Variants in ZC4H2 observed in about 807,000 individuals in gnomAD.
The protein encoded by ZC4H2 is zinc finger C4H2-type containing.
For missense variants in ZC4H2, 137 were observed against 173.9 expected (o/e 0.79, Z 1.19); for synonymous variants, 84 against 66.3 (o/e 1.27, Z -1.30).
At chrX:64,998,275 C>T (rs978740365) in intron 1 of ZC4H2, among the ~76,000 whole-genome samples, 1 of 111,713 alleles carries the variant, frequency 9.0e-6, no homozygotes, top group African/African-American at 3.3e-5. Context: ...CAAGAGAATT[C>T]CTTTAGATCT....
At chrX:64,954,234 G>A (rs1272829924) in intron 1 of ZC4H2, among the ~76,000 whole-genome samples, 1 of 98,162 alleles carries the variant, frequency 1.0e-5, no homozygotes, top group East Asian at 3.1e-4. Flanking sequence ...CGAGTTAATG[G>A]GTGCAGCACA....
At chrX:65,005,617 C>A (rs949455760) in intron 1 of ZC4H2, among the ~76,000 whole-genome samples, 1 of 111,500 alleles carries the variant, frequency 9.0e-6, no homozygotes, top group Non-Finnish European at 1.9e-5. Flanking sequence ...TAGAAGAAAA[C>A]CTAGGCAATG....
intron 1 of ZC4H2, among the ~76,000 whole-genome samples, chrX:64,975,558 C>G (rs1034574422): frequency 9.0e-6 from 1 of 111,662 alleles, no homozygotes; most frequent in Non-Finnish European, 1.9e-5. Context: ...CCAGCCCACA[C>G]AGCCCGCCTG....
chrX:64,969,563 G>T lies in ZC4H2; in HGVS notation c.53+6762C>A, dbSNP rs140732599. 1.4e-4 allele frequency among the ~76,000 whole-genome samples: 16 copies of T among 112,088 alleles called. No individual in the cohort carries two copies. The East Asian group carries it at 4.5e-3, about 31-fold the overall frequency. ...TATATTGTATAGGTATAACTGGCCAGGTCTTACTAATGCAGTTGTTCTCCA... is the reference window on the plus strand; with the variant it reads ...TATATTGTATAGGTATAACTGGCCATGTCTTACTAATGCAGTTGTTCTCCA... On this transcript the variant is annotated intron_variant, in intron 1 of 4. Coordinates refer to ENST00000374839, the MANE Select transcript of ZC4H2 (RefSeq NM_018684.4).
At chrX:64,959,059 C>A (rs1019267754) in intron 1 of ZC4H2, among the ~76,000 whole-genome samples, 4 of 110,962 alleles carry the variant, frequency 3.6e-5, no homozygotes, top group African/African-American at 1.3e-4. Flanking sequence ...ACTTTCTGGC[C>A]AATTTTATGG....
chrX:64,995,580 G>A (rs1182161531), intron 1 of ZC4H2, among the ~76,000 whole-genome samples: 1 of 112,126 alleles, frequency 8.9e-6, no homozygotes, highest in Non-Finnish European at 1.9e-5. Flanking sequence ...GGCTGGTCTC[G>A]AACTCCTGAG....
chrX:64,997,518 C>T (rs1043290029), intron 1 of ZC4H2, among the ~76,000 whole-genome samples: 2 of 112,488 alleles, frequency 1.8e-5, no homozygotes, highest in Non-Finnish European at 3.8e-5. Context: ...GAGACAAACT[C>T]GTAAAAAGAA....
intron 1 of ZC4H2, among the ~76,000 whole-genome samples, chrX:65,012,224 C>CAAAAA (rs10606871): frequency 5.6e-4 from 14 of 25,182 alleles, no homozygotes; most frequent in East Asian, 1.3e-3. Flanking sequence ...GACCCCGTCT[C>CAAAAA]AAAAAAAAAA....
intron 1 of ZC4H2, among the ~76,000 whole-genome samples, chrX:64,989,573 A>C (rs899303334): frequency 8.9e-6 from 1 of 112,293 alleles, no homozygotes; most frequent in African/African-American, 3.2e-5. Context: ...ATTTTTTTCT[A>C]TGTGAAAGAA....
chrX:64,953,019 A>T (rs1358512744), intron 1 of ZC4H2, among the ~76,000 whole-genome samples: 2 of 111,716 alleles, frequency 1.8e-5, no homozygotes, highest in Middle Eastern at 4.6e-3. Flanking sequence ...ATAATGCCAC[A>T]TATCTACAAC....
chrX:64,967,513 T>C (rs1362355565), intron 1 of ZC4H2, among the ~76,000 whole-genome samples: 2 of 111,849 alleles, frequency 1.8e-5, no homozygotes, highest in African/African-American at 6.5e-5. Flanking sequence ...AGATCCAATA[T>C]AGAAAATGGA....
chrX:65,028,283 C>G (rs1932900790), intron 1 of ZC4H2, among the ~76,000 whole-genome samples: 1 of 111,641 alleles, frequency 9.0e-6, no homozygotes, highest in African/African-American at 3.3e-5. Context: ...TGAGAGCCTA[C>G]TATGTGGCAG....
Position 64,917,303 on chromosome X carries a change from G to T in ZC4H2, c.*480C>A, listed in dbSNP as rs1481943087. 1 of 113,657 alleles carries T rather than the reference G, an allele frequency of 8.8e-6. No individual in the cohort carries two copies. The highest frequency in any genetic ancestry group is 1.8e-5 in the Non-Finnish European group (1 of 54,688). The allele number at this position is 113,657 out of a possible 1,213,427, so 9.4% of individuals were successfully genotyped here. A position where few individuals can be genotyped will look rare whatever the true frequency, so the allele number is the denominator to read the frequency against. On this transcript the variant is annotated 3_prime_UTR_variant, in exon 5 of 5. Coordinates refer to ENST00000374839, the MANE Select transcript of ZC4H2 (RefSeq NM_018684.4). ...GGATGAGATGAGGGTAGGAGTAGGG[G>T]GATACATGCACCCAGCCTGTTGGAG...
chrX:64,925,075 G>T (rs1472631319), intron 1 of ZC4H2, among the ~76,000 whole-genome samples: 3 of 111,213 alleles, frequency 2.7e-5, no homozygotes, highest in Non-Finnish European at 3.8e-5. Flanking sequence ...ACCAAGCAGA[G>T]TATGTGGCAC....
intron 1 of ZC4H2, among the ~76,000 whole-genome samples, chrX:65,026,206 T>C (rs1932876886): frequency 9.0e-6 from 1 of 111,661 alleles, no homozygotes. Flanking sequence ...GAGGAAGGAA[T>C]GAAGGGCAGA....
chrX:64,971,712 GA>G (rs1931786675), intron 1 of ZC4H2, among the ~76,000 whole-genome samples: 1 of 111,109 alleles, frequency 9.0e-6, no homozygotes, highest in South Asian at 3.8e-4. Flanking sequence ...AGATTTGGAG[GA>G]TAATATTTGA....
rs1339689818 is a variant in ZC4H2 at position 64,916,538 on chromosome X, T to C, written c.*1245A>G. On this transcript the variant is annotated 3_prime_UTR_variant, in exon 5 of 5. Coordinates refer to ENST00000374839, the MANE Select transcript of ZC4H2 (RefSeq NM_018684.4). ...AGTGAACACATACACACTGTGGCAA[T>C]GTAAAACTACTTAAGGAAGGAAAAA... 8.9e-6 allele frequency: 1 copy of C among 112,025 alleles called. No homozygotes were observed. Among genetic ancestry groups the C allele is most frequent in the Non-Finnish European group, 1.9e-5 (1 of 53,200 alleles). The allele number at this position is 112,025 out of a possible 1,213,427, so 9.2% of individuals were successfully genotyped here. A position where few individuals can be genotyped will look rare whatever the true frequency, so the allele number is the denominator to read the frequency against.
intron 1 of ZC4H2, among the ~76,000 whole-genome samples, chrX:65,000,668 C>T (rs1932517873): frequency 8.9e-6 from 1 of 111,920 alleles, no homozygotes. Flanking sequence ...TAACCTAATA[C>T]AAGAGAGCTA....
chrX:65,018,385 C>T (rs937803972), intron 1 of ZC4H2, among the ~76,000 whole-genome samples: 12 of 112,208 alleles, frequency 1.1e-4, no homozygotes, highest in South Asian at 3.7e-4. Context: ...GAGGGCAGGA[C>T]GAAGCAGAGT....
Sources: gnomAD v4.1 joint callset for allele counts (sites outside exome capture counted in the v4.1 genomes callset) on GRCh38, gnomAD v4.1.1 for gene constraint, MANE v1.5 for transcripts, NCBI Gene and HGNC (gene_info 2026-07-23, HGNC 2026-07-21) for gene names.